The following DNAJC1 variants were observed in gnomAD, a reference collection of about 807,000 sequenced individuals.
DNAJC1 encodes the protein dnaJ homolog subfamily C member 1.
In DNAJC1, 58 loss-of-function variants were observed where a neutral mutation model predicts 76.6. That is an observed-to-expected ratio of 0.76 (90% CI 0.61 to 0.94). The LOEUF is 0.94. Among genes scored for constraint, DNAJC1 ranks in the 40% least tolerant of loss-of-function variants. The pLI, the probability that DNAJC1 is intolerant of heterozygous loss-of-function variation, is 0.00. For synonymous variants in DNAJC1, 258 were observed against 267.9 expected (o/e 0.96, Z 0.36); for missense variants, 689 against 677.3 (o/e 1.02, Z -0.19).
At chr10:21,770,200 C>A (rs1476268147) in intron 9 of DNAJC1, among the ~76,000 whole-genome samples, 2 of 152,056 alleles carry the variant, frequency 1.3e-5, no homozygotes, top group African/African-American at 4.8e-5. Flanking sequence ...CTCACTTGAC[C>A]AAACTAATAT....
chr10:21,919,825 C>T lies in DNAJC1; in HGVS notation c.635+7G>A. On this transcript the variant is annotated splice_region_variant and intron_variant, in intron 5 of 11. Transcript: ENST00000376980. The stretch of plus-strand genomic sequence containing the variant: ...TCAAATTATAAAGTATTTTTATATG[C>T]TCTCACCTTTCATTTTTTTCTGAAG... 1 of 1,570,960 alleles carries T rather than the reference C, an allele frequency of 6.4e-7. No individual in the cohort carries two copies. Among genetic ancestry groups the T allele is most frequent in the Non-Finnish European group, 8.7e-7 (1 of 1,150,646 alleles).
chr10:21,834,292 G>A lies in DNAJC1; in HGVS notation c.979-28193C>T, dbSNP rs149852588. ...AAAAAATAAGAAAGAAAGAAAGAGG[G>A]GCTCCCCAGTGAAACGTTGTTTAAA... On this transcript the variant is annotated intron_variant, in intron 8 of 11. Transcript: ENST00000376980. 6.8e-3 allele frequency among the ~76,000 whole-genome samples: 1,035 copies of A among 152,086 alleles called. 5 individuals carry two copies. The highest frequency in any genetic ancestry group is 9.5e-3 in the Non-Finnish European group (647 of 67,956).
In DNAJC1 at chr10:21,971,104, A is replaced by C. The variant is rs566038346; in HGVS notation, c.222+32109T>G. 1.2e-4 allele frequency among the ~76,000 whole-genome samples: 18 copies of C among 151,886 alleles called. 1 individual carries two copies. Among genetic ancestry groups the C allele is most frequent in the African/African-American group, 4.3e-4 (18 of 41,514 alleles). On this transcript the variant is annotated intron_variant, in intron 1 of 11. Coordinates refer to ENST00000376980, the MANE Select transcript of DNAJC1 (RefSeq NM_022365.4). ...ACCATACTGAATAAAATAGTATTTTAGTTTTTCCTGATATGACACTGGACA... is the reference window on the plus strand; with the variant it reads ...ACCATACTGAATAAAATAGTATTTTCGTTTTTCCTGATATGACACTGGACA...
intron 7 of DNAJC1, among the ~76,000 whole-genome samples, chr10:21,897,691 G>A (rs992870560): frequency 2.0e-5 from 3 of 152,144 alleles, no homozygotes; most frequent in African/African-American, 7.2e-5. Flanking sequence ...TGTCTTCCAC[G>A]AAATCGTTCC....
chr10:21,905,336 C>T (rs541774461), intron 6 of DNAJC1, among the ~76,000 whole-genome samples: 111 of 151,658 alleles, frequency 7.3e-4, no homozygotes, highest in Non-Finnish European at 3.7e-4. Flanking sequence ...TATGAGATCC[C>T]GACAATGAAA....
intron 8 of DNAJC1, among the ~76,000 whole-genome samples, chr10:21,824,603 TG>T (rs1835217331): frequency 6.6e-6 from 1 of 152,312 alleles, no homozygotes; most frequent in East Asian, 1.9e-4. Flanking sequence ...TGGACGGTGA[TG>T]GAAGTCTTAT....
rs369768698 is a variant in DNAJC1 at position 21,778,776 on chromosome 10, G to A, written c.1099-12467C>T. Among the ~76,000 whole-genome samples, 88 of 152,310 alleles carry A rather than the reference G, an allele frequency of 5.8e-4. No homozygotes were observed. In the East Asian group the frequency reaches 0.014, roughly 24 times the overall value. ...GGACAGTGGGTGCAGCCCACCAAGC[G>A]TGAGCCGAAGCAGGGCGAGGCATTG... On this transcript the variant is annotated intron_variant, in intron 9 of 11. Coordinates refer to ENST00000376980, the MANE Select transcript of DNAJC1 (RefSeq NM_022365.4).
At chr10:21,978,944 T>G (rs1276986699) in intron 1 of DNAJC1, among the ~76,000 whole-genome samples, 3 of 152,186 alleles carry the variant, frequency 2.0e-5, no homozygotes, top group East Asian at 3.9e-4. Flanking sequence ...TTACTCAGAT[T>G]ATTACAGATT....
At chr10:21,996,821 T>C (rs1159954744) in intron 1 of DNAJC1, among the ~76,000 whole-genome samples, 1 of 152,142 alleles carries the variant, frequency 6.6e-6, no homozygotes, top group Non-Finnish European at 1.5e-5. Flanking sequence ...ACTATACATA[T>C]CACAAAAAGA....
rs149688859 is a variant in DNAJC1 at position 21,842,914 on chromosome 10, G to A, written c.979-36815C>T. Among the ~76,000 whole-genome samples the A allele has an allele frequency of 8.2e-3, 1,246 of 152,278 alleles. 13 individuals are homozygous for A. The highest frequency in any genetic ancestry group is 0.012 in the Non-Finnish European group (838 of 68,018). ...ACTTCATGAGAGCAGGGGTCATTAT[G>A]TTCTCAAATGTATCCCCTGTGCTTA... On this transcript the variant is annotated intron_variant, in intron 8 of 11. Coordinates refer to ENST00000376980, the MANE Select transcript of DNAJC1 (RefSeq NM_022365.4).
intron 7 of DNAJC1, among the ~76,000 whole-genome samples, chr10:21,896,751 G>A (rs999663875): frequency 9.2e-5 from 14 of 152,100 alleles, no homozygotes; most frequent in African/African-American, 3.4e-4. Context: ...GGGTTCAGAA[G>A]TGAAATGCTA....
At position 21,900,360 on chromosome 10, in the gene DNAJC1, G is replaced by GA. The variant is rs1183414296; in HGVS notation, c.820+4161dup. On this transcript the variant is annotated intron_variant, in intron 7 of 11. Coordinates refer to ENST00000376980, the MANE Select transcript of DNAJC1 (RefSeq NM_022365.4). Reference sequence around the variant, plus strand: ...TCCATCTCAAAAAAAAAAAGCAAAAGAAAAAAAAAGATAAAGAAATTTGAC... The same window carrying GA: ...TCCATCTCAAAAAAAAAAAGCAAAAGAAAAAAAAAAGATAAAGAAATTTGAC... Among the ~76,000 whole-genome samples the GA allele has an allele frequency of 6.1e-5, 9 of 147,182 alleles. No individual in the cohort carries two copies. The South Asian group carries it at 8.7e-4, about 14-fold the overall frequency.
At chr10:21,863,563 T>C (rs918748374) in intron 8 of DNAJC1, among the ~76,000 whole-genome samples, 3 of 152,058 alleles carry the variant, frequency 2.0e-5, no homozygotes, top group African/African-American at 7.3e-5. Flanking sequence ...TAAAACTAAA[T>C]TATAGACCAA....
chr10:21,964,502 A>G (rs904952165), intron 1 of DNAJC1, among the ~76,000 whole-genome samples: 1 of 152,214 alleles, frequency 6.6e-6, no homozygotes, highest in African/African-American at 2.4e-5. Context: ...ATGAGCCACC[A>G]TGCCCAGATT....
At chr10:21,933,734 G>A (rs1837265179) in intron 1 of DNAJC1, among the ~76,000 whole-genome samples, 1 of 152,114 alleles carries the variant, frequency 6.6e-6, no homozygotes, top group Non-Finnish European at 1.5e-5. Context: ...CATATATGAT[G>A]GTGGTCCCAT....
chr10:21,957,894 G>A (rs367776496), intron 1 of DNAJC1, among the ~76,000 whole-genome samples: 6 of 151,922 alleles, frequency 3.9e-5, no homozygotes, highest in African/African-American at 7.2e-5. Flanking sequence ...ATTAAGTGAC[G>A]GCAAACTTAA....
At chr10:21,832,160 G>C (rs907993406) in intron 8 of DNAJC1, among the ~76,000 whole-genome samples, 1 of 152,122 alleles carries the variant, frequency 6.6e-6, no homozygotes, top group Non-Finnish European at 1.5e-5. Context: ...TTTCATAACT[G>C]CTGACGTTTT....
intron 8 of DNAJC1, among the ~76,000 whole-genome samples, chr10:21,812,530 A>G (rs1018953479): frequency 3.3e-5 from 5 of 151,446 alleles, no homozygotes; most frequent in Non-Finnish European, 2.9e-5. Flanking sequence ...ATTACCAAAT[A>G]TTTTCTTCTG....
At chr10:21,790,511 C>CA (rs60598254) in intron 9 of DNAJC1, among the ~76,000 whole-genome samples, 93,430 of 141,542 alleles carry the variant, frequency 0.66, 30,701 homozygotes, top group East Asian at 0.96. Flanking sequence ...AATAAATTGC[C>CA]AAAAAAAAAA....
Sources: allele counts gnomAD v4.1 joint callset (sites outside exome capture counted in the v4.1 genomes callset), GRCh38; gene constraint gnomAD v4.1.1; transcripts MANE v1.5; gene names NCBI Gene and HGNC (gene_info 2026-07-23, HGNC 2026-07-21).